OSBPL5: variants seen among roughly 807,000 people sequenced by gnomAD.
OSBPL5 encodes the protein oxysterol-binding protein-related protein 5.
Under a neutral mutation model 111.2 loss-of-function variants are expected in OSBPL5, and 71 were observed. The ratio of observed to expected loss-of-function variants is 0.64; its 90% CI spans 0.53 to 0.78. The LOEUF is 0.78. OSBPL5 is among the 30% of genes least tolerant of loss of function. The probability of loss-of-function intolerance (pLI) is 0.00; values close to 1 mark genes in which losing one functional copy is unlikely to be tolerated. For synonymous variants in OSBPL5, 549 were observed against 513.9 expected, an observed-to-expected ratio of 1.07 and a Z score of -0.93; for missense variants, 1,210 against 1,189.3, an observed-to-expected ratio of 1.02 and a Z score of -0.26.
At chr11:3,123,309 C>T (rs1200444246) in intron 3 of OSBPL5, among the ~76,000 whole-genome samples, 4 of 152,142 alleles carry the variant, frequency 2.6e-5, no homozygotes, top group Non-Finnish European at 4.4e-5. Context: ...TGCCTCCTTC[C>T]GCGTGGTCTG....
chr11:3,112,326 G>A lies in OSBPL5; in HGVS notation c.692-4381C>T, dbSNP rs970026205. On this transcript the variant is annotated intron_variant, in intron 7 of 21. Coordinates refer to ENST00000263650, the MANE Select transcript of OSBPL5 (RefSeq NM_020896.4). ...CTAAAATAGTTTATAGTAGCCTGGG[G>A]TTCCTTAAAGAAAATGGAGAGGGTG... 1.4e-4 allele frequency among the ~76,000 whole-genome samples: 22 copies of A among 152,286 alleles called. 1 individual carries two copies. Among genetic ancestry groups the A allele is most frequent in the East Asian group, 1.9e-4 (1 of 5,186 alleles).
In OSBPL5 at chr11:3,126,451, C is replaced by T; in HGVS notation, c.219+22G>A. 6.4e-7 allele frequency: 1 copy of T among 1,572,284 alleles called. No individual in the cohort carries two copies. Among genetic ancestry groups the T allele is most frequent in the Non-Finnish European group, 8.6e-7 (1 of 1,159,144 alleles). ...CAGAGCCAGGCTCTGGCTCATGGAT[C>T]CTCCTATACCCAGGCTCTTACCGGT... On this transcript the variant is annotated intron_variant, in intron 3 of 21. Coordinates refer to ENST00000263650, the MANE Select transcript of OSBPL5 (RefSeq NM_020896.4). This position sits in a 1 kb window ranked among gnomAD's most constrained non-coding sequence, Gnocchi z 6.5.
At chr11:3,147,845 T>G (rs1236042466) in intron 1 of OSBPL5, among the ~76,000 whole-genome samples, 3 of 151,970 alleles carry the variant, frequency 2.0e-5, no homozygotes, top group Non-Finnish European at 4.4e-5. Flanking sequence ...TTGATGCGAG[T>G]GACCCGGGCC....
Position 3,088,149 on chromosome 11 carries a change from C to CT in OSBPL5, c.*55dup. 5.5e-6 allele frequency: 8 copies of CT among 1,458,640 alleles called. No homozygotes were observed. The highest frequency in any genetic ancestry group is 7.3e-6 in the Non-Finnish European group (8 of 1,094,046). 90.4% of individuals were successfully genotyped at this position (1,458,640 alleles called of 1,614,324 possible). A position where few individuals can be genotyped will look rare whatever the true frequency, so the allele number is the denominator to read the frequency against. On this transcript the variant is annotated 3_prime_UTR_variant, in exon 22 of 22. Transcript: ENST00000263650. The stretch of plus-strand genomic sequence containing the variant: ...GCCTCCATGGAGCAGGCTTAAAGTG[C>CT]TGGGTGCCTGGGAGGGAGGGCTCAG...
At chr11:3,108,014 C>T (rs958128092) in intron 7 of OSBPL5, 69 bp from the exon 8 acceptor site, 1 of 1,543,498 alleles carries the variant, frequency 6.5e-7, no homozygotes, top group African/African-American at 1.3e-5. Context: ...CAAGGGGCCA[C>T]CAGGAGGCTC....
intron 1 of OSBPL5, among the ~76,000 whole-genome samples, chr11:3,145,770 G>A (rs986117378): frequency 7.9e-5 from 12 of 152,194 alleles, no homozygotes; most frequent in Non-Finnish European, 1.6e-4. Flanking sequence ...AGTGGGGCCT[G>A]GCCGAACAAG....
rs1244041021 is a variant in OSBPL5, at chr11:3,092,672, C to A, written c.2133-114G>T. ...GGCCAGAGACCTCCAGGAGAATGAC[C>A]ACTGCCCACACCCCATGGGCAGGGC... On this transcript the variant is annotated intron_variant, in intron 18 of 21. Transcript: ENST00000263650. This position sits in a 1 kb window ranked among gnomAD's most constrained non-coding sequence, Gnocchi z 5.4. The A allele has an allele frequency of 5.0e-6, 7 of 1,396,396 alleles. No homozygotes were observed. Among genetic ancestry groups the A allele is most frequent in the East Asian group, 2.5e-5 (1 of 39,598 alleles). 86.5% of individuals were successfully genotyped at this position (1,396,396 alleles called of 1,614,324 possible).
At position 3,105,638 on chromosome 11, in the gene OSBPL5, C is replaced by A. The variant is rs991985385; in HGVS notation, c.1060-1261G>T. ...GCAGCCATCCCTGCTTCTCATCCTG[C>A]CCCACCTCTCGGACCAGCTGGCTCT... On this transcript the variant is annotated intron_variant, in intron 9 of 21. Transcript: ENST00000263650. This position sits in a 1 kb window ranked among gnomAD's most constrained non-coding sequence, Gnocchi z 5.2. Among the ~76,000 whole-genome samples, 1 of 152,142 alleles carries A rather than the reference C, an allele frequency of 6.6e-6. No individual in the cohort carries two copies. Among genetic ancestry groups the A allele is most frequent in the Non-Finnish European group, 1.5e-5 (1 of 68,016 alleles).
intron 15 of OSBPL5, 122 bp from the exon 16 acceptor site, chr11:3,093,957 C>T (rs566901452): frequency 1.6e-6 from 2 of 1,236,708 alleles, no homozygotes; most frequent in Non-Finnish European, 2.2e-6. Context: ...GAGGGATGGA[C>T]CCAACCCTCG....
chr11:3,126,423 C>T lies in OSBPL5; in HGVS notation c.219+50G>A, dbSNP rs530215367. 1 of 1,498,690 alleles carries T rather than the reference C, an allele frequency of 6.7e-7. No homozygotes were observed. The highest frequency in any genetic ancestry group is 1.3e-5 in the South Asian group (1 of 78,448). 92.8% of individuals were successfully genotyped at this position (1,498,690 alleles called of 1,614,324 possible). On this transcript the variant is annotated intron_variant, in intron 3 of 21. Coordinates refer to ENST00000263650, the MANE Select transcript of OSBPL5 (RefSeq NM_020896.4). The surrounding 1 kb of genome is among the most constrained non-coding windows in gnomAD (Gnocchi z 6.5). The stretch of plus-strand genomic sequence containing the variant: ...CTTTTCCCCAGCCGTTTCCTGCTGT[C>T]CCCAGAGCCAGGCTCTGGCTCATGG...
At position 3,105,484 on chromosome 11, in the gene OSBPL5, C is replaced by T. The variant is rs4360686; in HGVS notation, c.1060-1107G>A. ...GGGGCTTGGAAATCATGGGTAGCTT[C>T]GGCTGTCAGGAATCCTGCTCTGTCC... On this transcript the variant is annotated intron_variant, in intron 9 of 21. Coordinates refer to ENST00000263650, the MANE Select transcript of OSBPL5 (RefSeq NM_020896.4). The surrounding 1 kb of genome is among the most constrained non-coding windows in gnomAD (Gnocchi z 5.2). Among the ~76,000 whole-genome samples, 3,358 of 152,190 alleles carry T rather than the reference C, an allele frequency of 0.022. 136 individuals carry two copies. Among genetic ancestry groups the T allele is most frequent in the African/African-American group, 0.077 (3,180 of 41,488 alleles).
intron 10 of OSBPL5, among the ~76,000 whole-genome samples, chr11:3,103,729 CCTTCCTGCCTCTGCAACCCT>C (rs1857548809): frequency 3.4e-5 from 3 of 89,404 alleles, no homozygotes; most frequent in South Asian, 7.5e-4. Flanking sequence ...CTCTGCTGCC[CCTTCCTGCCTCTGCAACCCT>C]CTTCCAGCTC....
intron 1 of OSBPL5, among the ~76,000 whole-genome samples, chr11:3,157,542 C>A (rs1343550680): frequency 6.6e-6 from 1 of 152,206 alleles, no homozygotes; most frequent in East Asian, 1.9e-4. Context: ...CAGGAGAGCC[C>A]CAGCCAGCTT....
intron 1 of OSBPL5, chr11:3,164,256 C>T (rs11025704): frequency 0.2 from 29,739 of 152,318 alleles, 2,924 homozygotes; most frequent in Admixed American, 0.24. Context: ...TCCACCCAGC[C>T]GCTTCGGCGG....
chr11:3,118,933 G>A (rs1027152886), intron 7 of OSBPL5, among the ~76,000 whole-genome samples: 4 of 151,972 alleles, frequency 2.6e-5, no homozygotes, highest in African/African-American at 7.3e-5. Context: ...ACACTGGCAT[G>A]TGGTTGGAGC....
intron 7 of OSBPL5, among the ~76,000 whole-genome samples, chr11:3,117,999 G>A (rs913100240): frequency 1.3e-5 from 2 of 152,076 alleles, no homozygotes; most frequent in Non-Finnish European, 2.9e-5. Flanking sequence ...TCTCTTCATA[G>A]GACATGAGAC....
chr11:3,107,641 C>T lies in OSBPL5; in HGVS notation c.866+130G>A. 7.2e-7 allele frequency: 1 copy of T among 1,394,258 alleles called. No individual in the cohort carries two copies. The allele number at this position is 1,394,258 out of a possible 1,614,324, so 86.4% of individuals were successfully genotyped here. On this transcript the variant is annotated intron_variant, in intron 8 of 21. Coordinates refer to ENST00000263650, the MANE Select transcript of OSBPL5 (RefSeq NM_020896.4). The surrounding 1 kb of genome is among the most constrained non-coding windows in gnomAD (Gnocchi z 6.1). ...GAACCGAGGCTCCCAGGGCACACTG[C>T]AGCGAACAAGTCCCTGCGTGCAGCC...
intron 7 of OSBPL5, 129 bp from the exon 8 acceptor site, chr11:3,108,074 C>T: frequency 8.1e-7 from 1 of 1,237,390 alleles, no homozygotes. Flanking sequence ...CCAGACCCAC[C>T]CCTGGCCCTG....
rs114586944 is a variant in OSBPL5, at chr11:3,101,573, C to A, written c.1522+30G>T. 1.3e-3 allele frequency: 2,069 copies of A among 1,591,992 alleles called. 21 individuals carry two copies. The African/African-American group carries it at 0.023, about 18-fold the overall frequency. ...CCCGACCATCGCATTTCCCTGAGGCCCCAGGGAGCGCCCAGGGTGACCCCC... is the reference window on the plus strand; with the variant it reads ...CCCGACCATCGCATTTCCCTGAGGCACCAGGGAGCGCCCAGGGTGACCCCC... On this transcript the variant is annotated intron_variant, in intron 13 of 21. Transcript: ENST00000263650.
Sources: gnomAD v4.1 joint callset for allele counts (sites outside exome capture counted in the v4.1 genomes callset) on GRCh38, gnomAD v4.1.1 for gene constraint, Gnocchi (gnomAD v3.1) non-coding constraint, MANE v1.5 for transcripts, NCBI Gene and HGNC (gene_info 2026-07-23, HGNC 2026-07-21) for gene names.